SNAP91: variants seen among roughly 807,000 people sequenced by gnomAD.
The protein encoded by SNAP91 is clathrin coat assembly protein AP180.
SNAP91 carries 27 observed loss-of-function variants against 100.3 expected under a neutral mutation model. The observed-to-expected ratio is 0.27, with a 90% CI of 0.20 to 0.37. The LOEUF is 0.37. SNAP91 is among the 10% of genes least tolerant of loss of function. The pLI, the probability that SNAP91 is intolerant of heterozygous loss-of-function variation, is 1.00. For synonymous variants in SNAP91, 404 were observed against 398.6 expected, an observed-to-expected ratio of 1.01 and a Z score of -0.16; for missense variants, 986 against 1,123.7, an observed-to-expected ratio of 0.88 and a Z score of 1.75.
chr6:83,687,863 G>A (rs2099081098), intron 2 of SNAP91, among the ~76,000 whole-genome samples: 1 of 152,148 alleles, frequency 6.6e-6, no homozygotes, highest in South Asian at 2.1e-4. Flanking sequence ...GGGGGTAGGA[G>A]AGAAATAAAG....
At chr6:83,647,753 C>A (rs1385826336) in intron 7 of SNAP91, among the ~76,000 whole-genome samples, 1 of 151,968 alleles carries the variant, frequency 6.6e-6, no homozygotes, top group East Asian at 1.9e-4. Flanking sequence ...TATGCAACAT[C>A]AATTACTGTC....
At chr6:83,672,796 T>C (rs946484623) in intron 2 of SNAP91, among the ~76,000 whole-genome samples, 6 of 152,214 alleles carry the variant, frequency 3.9e-5, no homozygotes, top group Non-Finnish European at 8.8e-5. Context: ...AGTTACTTTC[T>C]ATTTCATTGT....
intron 2 of SNAP91, among the ~76,000 whole-genome samples, chr6:83,668,713 A>G (rs574220126): frequency 6.6e-6 from 1 of 152,202 alleles, no homozygotes; most frequent in East Asian, 1.9e-4. Context: ...TAGCATTAGG[A>G]GATGTACCTA....
intron 11 of SNAP91, among the ~76,000 whole-genome samples, chr6:83,613,960 A>C (rs2096313435): frequency 1.3e-5 from 2 of 152,236 alleles, no homozygotes; most frequent in African/African-American, 4.8e-5. Flanking sequence ...GACCCATATA[A>C]GTAATCTACT....
Position 83,601,450 on chromosome 6 carries a change from C to T in SNAP91, c.1157-12G>A. Reference sequence around the variant, plus strand: ...TGCAGCCAAAGAATCTATATTTCACCAGAGACAGAGAGCAAACGGAGAGAA... The same window carrying T: ...TGCAGCCAAAGAATCTATATTTCACTAGAGACAGAGAGCAAACGGAGAGAA... On this transcript the variant is annotated splice_polypyrimidine_tract_variant and intron_variant, in intron 15 of 29. Coordinates refer to ENST00000369694, the MANE Select transcript of SNAP91 (RefSeq NM_001242792.2). The T allele has an allele frequency of 6.2e-7, 1 of 1,613,384 alleles. No homozygotes were observed. Among genetic ancestry groups the T allele is most frequent in the Non-Finnish European group, 8.5e-7 (1 of 1,179,638 alleles).
At chr6:83,575,283 C>A in intron 25 of SNAP91, 162 bp from the exon 26 acceptor site, 2 of 602,532 alleles carry the variant, frequency 3.3e-6, no homozygotes, top group Non-Finnish European at 5.8e-6. Flanking sequence ...AGGAATCTTG[C>A]CATGCTGTAA....
At chr6:83,573,433 C>A (rs1812124905) in intron 26 of SNAP91, among the ~76,000 whole-genome samples, 2 of 152,082 alleles carry the variant, frequency 1.3e-5, no homozygotes, top group African/African-American at 4.8e-5. Flanking sequence ...ACTTTCTTCA[C>A]AGAATTGGAA....
At chr6:83,679,910 T>G (rs1447281031) in intron 2 of SNAP91, among the ~76,000 whole-genome samples, 1 of 152,274 alleles carries the variant, frequency 6.6e-6, no homozygotes, top group African/African-American at 2.4e-5. Flanking sequence ...ATACTACTCA[T>G]GTCCACTTAC....
intron 3 of SNAP91, 35 bp from the exon 4 acceptor site, chr6:83,662,457 T>TA (rs746987306): frequency 6.2e-5 from 54 of 875,578 alleles, no homozygotes; most frequent in Non-Finnish European, 7.9e-5. Flanking sequence ...ACACACATTT[T>TA]AAAATCATAC....
At chr6:83,653,326 T>C (rs2098278779) in intron 7 of SNAP91, among the ~76,000 whole-genome samples, 1 of 152,184 alleles carries the variant, frequency 6.6e-6, no homozygotes, top group African/African-American at 2.4e-5. Flanking sequence ...GTTTTTGTCT[T>C]GTTTTTAGTC....
intron 2 of SNAP91, among the ~76,000 whole-genome samples, chr6:83,692,360 C>A (rs187436267): frequency 2.6e-5 from 4 of 152,082 alleles, no homozygotes; most frequent in Admixed American, 2.6e-4. Flanking sequence ...ACTAAAAATA[C>A]AAAAATTAGC....
chr6:83,661,642 A>G (rs746702967), intron 4 of SNAP91, 38 bp from the exon 5 acceptor site: 1 of 1,196,270 alleles, frequency 8.4e-7, no homozygotes, highest in Non-Finnish European at 1.2e-6. Flanking sequence ...CTAATTAATA[A>G]AATACCTTCA....
At chr6:83,587,886 G>C (rs1386734616) in intron 22 of SNAP91, among the ~76,000 whole-genome samples, 1 of 152,100 alleles carries the variant, frequency 6.6e-6, no homozygotes, top group Admixed American at 6.5e-5. Context: ...ACTTGAACAA[G>C]CGTGAGAAAT....
At chr6:83,588,179 A>G (rs1469264650) in intron 22 of SNAP91, among the ~76,000 whole-genome samples, 2 of 152,204 alleles carry the variant, frequency 1.3e-5, no homozygotes, top group African/African-American at 2.4e-5. Flanking sequence ...TGCCAAATAA[A>G]TCAGGCACTG....
chr6:83,678,748 C>G, intron 2 of SNAP91: 1 of 1,289,568 alleles, frequency 7.8e-7, no homozygotes. Flanking sequence ...CCAGCATTAT[C>G]CCACCTCTTT....
chr6:83,705,833 GT>G (rs1244095711), intron 2 of SNAP91, among the ~76,000 whole-genome samples: 3 of 150,910 alleles, frequency 2.0e-5, no homozygotes, highest in African/African-American at 7.3e-5. Flanking sequence ...AGCCATGAAA[GT>G]TAATTACCCT....
At chr6:83,702,039 C>T (rs1472524870) in intron 2 of SNAP91, among the ~76,000 whole-genome samples, 1 of 152,166 alleles carries the variant, frequency 6.6e-6, no homozygotes, top group African/African-American at 2.4e-5. Context: ...GTAACTCCCA[C>T]ATTACATAAA....
At chr6:83,573,904 T>A (rs962130791) in intron 26 of SNAP91, among the ~76,000 whole-genome samples, 2 of 152,226 alleles carry the variant, frequency 1.3e-5, no homozygotes, top group African/African-American at 4.8e-5. Flanking sequence ...AAGGACTTCA[T>A]GTCTAAAACA....
In SNAP91 at chr6:83,605,555, T is replaced by C. The variant is rs576151218; in HGVS notation, c.1141+130A>G. On this transcript the variant is annotated intron_variant, in intron 14 of 29. Coordinates refer to ENST00000369694, the MANE Select transcript of SNAP91 (RefSeq NM_001242792.2). ...TATTTCAATCAATAAATGCCATTCT[T>C]AACATTTTCCCTCCAAGTTTCTAAT... 164 of 1,250,494 alleles carry C rather than the reference T, an allele frequency of 1.3e-4. No individual in the cohort carries two copies. The African/African-American group carries it at 2.0e-3, about 15-fold the overall frequency. 77.5% of individuals were successfully genotyped at this position (1,250,494 alleles called of 1,614,324 possible).
Sources: allele counts gnomAD v4.1 joint callset (sites outside exome capture counted in the v4.1 genomes callset), GRCh38; gene constraint gnomAD v4.1.1; transcripts MANE v1.5; gene names NCBI Gene and HGNC (gene_info 2026-07-23, HGNC 2026-07-21).